TENM2: variants seen among roughly 807,000 people sequenced by gnomAD.
TENM2 encodes teneurin transmembrane protein 2.
In TENM2, 52 loss-of-function variants were observed where a neutral mutation model predicts 245.2. That is an observed-to-expected ratio of 0.21 (90% confidence interval 0.17 to 0.27). The LOEUF (loss-of-function observed/expected upper bound fraction) is 0.27. TENM2 is among the 10% of genes least tolerant of loss of function. TENM2 has a pLI of 1.00. For synonymous variants in TENM2, 1,363 were observed against 1,438.9 expected, an observed-to-expected ratio of 0.95 and a Z score of 1.19; for missense variants, 3,046 against 3,666.8, an observed-to-expected ratio of 0.83 and a Z score of 4.37.
At chr5:167,882,279 T>C (rs1308282617) in intron 3 of TENM2, among the ~76,000 whole-genome samples, 2 of 152,190 alleles carry the variant, frequency 1.3e-5, no homozygotes, top group Non-Finnish European at 2.9e-5. Context: ...CCCCTGGAGA[T>C]TCTGATTCCC....
the TENM2 span, among the ~76,000 whole-genome samples, chr5:167,084,974 A>T: frequency 6.6e-6 from 1 of 152,208 alleles, no homozygotes; most frequent in Non-Finnish European, 1.5e-5. Flanking sequence ...TGCCCAATTC[A>T]AATGATAGAA....
At chr5:167,907,089 G>A (rs1424727889) in intron 3 of TENM2, among the ~76,000 whole-genome samples, 3 of 151,986 alleles carry the variant, frequency 2.0e-5, no homozygotes, top group Admixed American at 6.6e-5. Context: ...AAAATTAGCC[G>A]GGTGTGGTGG....
Position 167,375,182 on chromosome 5 carries a change from G to T in TENM2, c.227-16G>T. On this transcript the variant is annotated splice_polypyrimidine_tract_variant and intron_variant, in intron 1 of 28. Coordinates refer to ENST00000518659, the Ensembl canonical transcript of TENM2. Reference sequence around the variant, plus strand: ...CTCACAAATTTTAATCAGCTTCTCTGTCACTGTCACCCTAGGAACCAACTT... The same window carrying T: ...CTCACAAATTTTAATCAGCTTCTCTTTCACTGTCACCCTAGGAACCAACTT... 2 of 1,547,592 alleles carry T rather than the reference G, an allele frequency of 1.3e-6. No homozygotes were observed. The highest frequency in any genetic ancestry group is 1.7e-6 in the Non-Finnish European group (2 of 1,146,070).
intron 2 of TENM2, among the ~76,000 whole-genome samples, chr5:167,468,672 A>G (rs1411188931): frequency 6.6e-6 from 1 of 152,194 alleles, no homozygotes; most frequent in East Asian, 1.9e-4. Flanking sequence ...TCTTTTTATG[A>G]TGGAACCAAC....
At chr5:167,210,451 A>ATTTTTTT in the TENM2 span, among the ~76,000 whole-genome samples, 5 of 101,222 alleles carry the variant, frequency 4.9e-5, no homozygotes, top group African/African-American at 1.6e-4. Context: ...TTTTCACTGC[A>ATTTTTTT]TTTTTTTTTT....
chr5:167,007,877 A>G, the TENM2 span, among the ~76,000 whole-genome samples: 1 of 152,008 alleles, frequency 6.6e-6, no homozygotes, highest in African/African-American at 2.4e-5. The surrounding 1 kb of genome is among the most constrained non-coding windows in gnomAD (Gnocchi z 4.2). Flanking sequence ...CTTGCTTTAC[A>G]TTTGCTTGGG....
At chr5:167,760,630 A>C (rs1762602669) in intron 2 of TENM2, among the ~76,000 whole-genome samples, 1 of 152,146 alleles carries the variant, frequency 6.6e-6, no homozygotes, top group Non-Finnish European at 1.5e-5. Context: ...CAGGTTCCAC[A>C]AGCAGCTGCC....
intron 2 of TENM2, among the ~76,000 whole-genome samples, chr5:167,462,188 C>CCCCCA (rs1554159737): frequency 1.5e-5 from 2 of 129,850 alleles, no homozygotes; most frequent in Non-Finnish European, 3.3e-5. Context: ...CCCACCCCCC[C>CCCCCA]CCCCCATTGC....
intron 2 of TENM2, among the ~76,000 whole-genome samples, chr5:167,665,285 G>T (rs1260997636): frequency 6.6e-6 from 1 of 152,098 alleles, no homozygotes; most frequent in African/African-American, 2.4e-5. Context: ...ACAAATGAAA[G>T]TATTCTCAGT....
chr5:167,492,548 G>A (rs1329542875), intron 2 of TENM2, among the ~76,000 whole-genome samples: 1 of 152,062 alleles, frequency 6.6e-6, no homozygotes, highest in African/African-American at 2.4e-5. Context: ...GGCTTCTGTA[G>A]TTTTATAGAA....
At chr5:167,614,382 G>A (rs1777653477) in intron 2 of TENM2, among the ~76,000 whole-genome samples, 1 of 152,042 alleles carries the variant, frequency 6.6e-6, no homozygotes, top group Non-Finnish European at 1.5e-5. Context: ...CAGCGAGAAG[G>A]CCAAGGTCAA....
chr5:167,337,884 G>C (rs979535538), intron 1 of TENM2, among the ~76,000 whole-genome samples: 1 of 152,144 alleles, frequency 6.6e-6, no homozygotes, highest in Non-Finnish European at 1.5e-5. Flanking sequence ...TTATAAATCA[G>C]TGAGATTAAT....
At chr5:167,273,671 T>A in the TENM2 span, among the ~76,000 whole-genome samples, 1 of 152,170 alleles carries the variant, frequency 6.6e-6, no homozygotes, top group Admixed American at 6.5e-5. Flanking sequence ...AAAGTGTTTC[T>A]TTTTCCTTTA....
chr5:167,174,009 C>G, the TENM2 span, among the ~76,000 whole-genome samples: 1 of 151,556 alleles, frequency 6.6e-6, no homozygotes, highest in Non-Finnish European at 1.5e-5. Flanking sequence ...TTATTAATAA[C>G]ATTTGAGGGA....
exon 17 of TENM2, chr5:168,200,034 G>A: frequency 6.2e-7 from 1 of 1,613,984 alleles, no homozygotes; most frequent in African/African-American, 1.3e-5. Context: ...ATCTCTTCCA[G>A]AAGTCATTCC....
chr5:168,119,676 A>G (rs1159472219), intron 10 of TENM2, among the ~76,000 whole-genome samples: 1 of 152,166 alleles, frequency 6.6e-6, no homozygotes, highest in East Asian at 1.9e-4. Context: ...ATTGTCTTCC[A>G]GCTGAGGCTC....
intron 2 of TENM2, among the ~76,000 whole-genome samples, chr5:167,789,279 C>T (rs920320600): frequency 3.4e-4 from 52 of 152,152 alleles, no homozygotes; most frequent in African/African-American, 1.3e-3. Flanking sequence ...TAATGTAACC[C>T]TAATAGCCCC....
At chr5:168,143,876 T>C (rs950912367) in intron 12 of TENM2, among the ~76,000 whole-genome samples, 1 of 125,542 alleles carries the variant, frequency 8.0e-6, no homozygotes, top group Non-Finnish European at 1.6e-5. Flanking sequence ...TGAGACAGAG[T>C]TTCTCTCTTA....
intron 2 of TENM2, among the ~76,000 whole-genome samples, chr5:167,401,793 G>A (rs943071171): frequency 3.3e-5 from 5 of 152,240 alleles, no homozygotes; most frequent in East Asian, 1.9e-4. Flanking sequence ...ACTCACGGAC[G>A]AAATCAGTTT....
Sources: gnomAD v4.1 joint callset for allele counts (sites outside exome capture counted in the v4.1 genomes callset) on GRCh38, gnomAD v4.1.1 for gene constraint, Gnocchi (gnomAD v3.1) non-coding constraint, MANE v1.5 for transcripts, NCBI Gene and HGNC (gene_info 2026-07-23, HGNC 2026-07-21) for gene names.